UNC5D: variants seen among roughly 807,000 people sequenced by gnomAD.
UNC5D encodes unc-5 netrin receptor D, also known as netrin receptor UNC5D.
In UNC5D, 39 loss-of-function variants were observed where a neutral mutation model predicts 105.4. That is an observed-to-expected ratio of 0.37 (90% CI 0.29 to 0.48). The LOEUF (loss-of-function observed/expected upper bound fraction) is 0.48, where lower values mean the gene tolerates loss of function less well. Among genes scored for constraint, UNC5D ranks in the 20% least tolerant of loss-of-function variants. UNC5D has a pLI of 0.98. For missense variants in UNC5D, 991 were observed against 1,202.4 expected (o/e 0.82, Z 2.60); for synonymous variants, 452 against 450.4 (o/e 1.00, Z -0.04).
intron 4 of UNC5D, among the ~76,000 whole-genome samples, chr8:35,676,672 A>G (rs1226668471): frequency 2.6e-5 from 4 of 152,236 alleles, no homozygotes; most frequent in Non-Finnish European, 2.9e-5. Flanking sequence ...TATAGGTTCA[A>G]AAGTTATGTG....
At chr8:35,253,442 T>C (rs1461807877) in intron 1 of UNC5D, among the ~76,000 whole-genome samples, 1 of 148,940 alleles carries the variant, frequency 6.7e-6, no homozygotes, top group African/African-American at 2.4e-5. Context: ...TTTTTTTCCC[T>C]CTGTAGAGTT....
chr8:35,249,579 A>ATAATAG (rs1803548288), intron 1 of UNC5D, among the ~76,000 whole-genome samples: 1 of 146,608 alleles, frequency 6.8e-6, no homozygotes, highest in Non-Finnish European at 1.5e-5. Flanking sequence ...AATAATAATA[A>ATAATAG]TAATAATAAT....
At chr8:35,329,771 C>T (rs1391890898) in intron 1 of UNC5D, among the ~76,000 whole-genome samples, 1 of 152,154 alleles carries the variant, frequency 6.6e-6, no homozygotes, top group East Asian at 1.9e-4. Flanking sequence ...CTTCCTTGCC[C>T]TTACCTCTAT....
rs200599461 is a variant in UNC5D, at chr8:35,282,710, C to CA, written c.103+46836dup. Among the ~76,000 whole-genome samples the CA allele has an allele frequency of 1.4e-3, 193 of 135,918 alleles. 4 individuals carry two copies. The highest frequency in any genetic ancestry group is 2.7e-3 in the African/African-American group (98 of 36,672). The allele number at this position is 135,918 out of a possible 152,430, so 89.2% of individuals were successfully genotyped here. A position where few individuals can be genotyped will look rare whatever the true frequency, so the allele number is the denominator to read the frequency against. Reference sequence around the variant, plus strand: ...GCTTAACTAACAAGTTATTAAAAGACAAAAAAAAAAAAAGCAACCCAAAGC... The same window carrying CA: ...GCTTAACTAACAAGTTATTAAAAGACAAAAAAAAAAAAAAGCAACCCAAAGC... On this transcript the variant is annotated intron_variant, in intron 1 of 16. Transcript: ENST00000404895.
rs1413153647 is a variant in UNC5D, at chr8:35,796,476, G to T, written c.*5913G>T. The T allele has an allele frequency of 7.4e-6, 1 of 135,592 alleles. No individual in the cohort carries two copies. The highest frequency in any genetic ancestry group is 2.5e-4 in the South Asian group (1 of 4,076). The allele number at this position is 135,592 out of a possible 1,614,324, so 8.4% of individuals were successfully genotyped here. On this transcript the variant is annotated 3_prime_UTR_variant, in exon 17 of 17. Transcript: ENST00000404895. ...AACTGGATGGTTGCAGACTTTTCAA[G>T]ATAAATGTACAGACGTAAATTACTG...
chr8:35,607,069 C>T (rs1194535140), intron 4 of UNC5D, among the ~76,000 whole-genome samples: 1 of 152,178 alleles, frequency 6.6e-6, no homozygotes, highest in Non-Finnish European at 1.5e-5. Context: ...CTGGCTCAGC[C>T]CCTTTCTTCA....
At chr8:35,316,589 T>G (rs929816003) in intron 1 of UNC5D, among the ~76,000 whole-genome samples, 4 of 152,198 alleles carry the variant, frequency 2.6e-5, no homozygotes, top group Middle Eastern at 3.2e-3. Context: ...TACATTGGCC[T>G]AACTATTCAG....
rs535848495 is a variant in UNC5D, at chr8:35,763,981, A to G, written c.2314-2921A>G. ...AATCATTAGAGGTAAAAAAGAGACCATAATGCTATTTCCTGAATAATCCCA... is the reference window on the plus strand; with the variant it reads ...AATCATTAGAGGTAAAAAAGAGACCGTAATGCTATTTCCTGAATAATCCCA... On this transcript the variant is annotated intron_variant, in intron 14 of 16. Transcript: ENST00000404895. Among the ~76,000 whole-genome samples the G allele has an allele frequency of 2.6e-5, 4 of 152,294 alleles. No individual in the cohort carries two copies. In the South Asian group the frequency reaches 8.3e-4, roughly 32 times the overall value.
intron 4 of UNC5D, among the ~76,000 whole-genome samples, chr8:35,601,041 A>G (rs140106113): frequency 0.092 from 13,916 of 152,064 alleles, 662 homozygotes; most frequent in Middle Eastern, 0.11. Context: ...TCCCAGCACC[A>G]TTTATTAAAT....
intron 1 of UNC5D, among the ~76,000 whole-genome samples, chr8:35,360,658 A>G (rs1801806196): frequency 6.6e-6 from 1 of 152,170 alleles, no homozygotes; most frequent in Non-Finnish European, 1.5e-5. Flanking sequence ...TAAGTCAAGT[A>G]TGTGCATCTT....
At chr8:35,693,831 A>ATCTC (rs1310541162) in intron 7 of UNC5D, among the ~76,000 whole-genome samples, 1 of 152,116 alleles carries the variant, frequency 6.6e-6, no homozygotes, top group East Asian at 1.9e-4. Context: ...CAGAAACATA[A>ATCTC]TCTCTGGAAG....
intron 3 of UNC5D, among the ~76,000 whole-genome samples, chr8:35,595,061 A>G (rs992771424): frequency 1.3e-5 from 2 of 152,232 alleles, no homozygotes; most frequent in Admixed American, 6.5e-5. Context: ...ACAAATAAAA[A>G]GACTAATAGG....
At chr8:35,385,359 C>T (rs1419092821) in intron 1 of UNC5D, among the ~76,000 whole-genome samples, 1 of 151,776 alleles carries the variant, frequency 6.6e-6, no homozygotes, top group South Asian at 2.1e-4. Flanking sequence ...TAAGATTCTT[C>T]TGCTATCTGA....
At chr8:35,483,085 G>A (rs533498180) in intron 1 of UNC5D, among the ~76,000 whole-genome samples, 27 of 152,064 alleles carry the variant, frequency 1.8e-4, no homozygotes, top group African/African-American at 6.0e-4. Flanking sequence ...TTACAGGCGT[G>A]AGCCACTGCA....
At chr8:35,590,555 A>G (rs1406683735) in intron 3 of UNC5D, among the ~76,000 whole-genome samples, 1 of 152,122 alleles carries the variant, frequency 6.6e-6, no homozygotes, top group African/African-American at 2.4e-5. Context: ...TGAAAAATGC[A>G]CTGGTTTATA....
chr8:35,295,335 G>A (rs1352906751), intron 1 of UNC5D, among the ~76,000 whole-genome samples: 1 of 151,996 alleles, frequency 6.6e-6, no homozygotes, highest in Non-Finnish European at 1.5e-5. Context: ...TTCTTAAGTT[G>A]TACAATATTT....
intron 1 of UNC5D, among the ~76,000 whole-genome samples, chr8:35,239,215 G>A (rs929396100): frequency 6.6e-6 from 1 of 152,052 alleles, no homozygotes; most frequent in African/African-American, 2.4e-5. Context: ...GTGGGTCTGT[G>A]GTTCTTTAAG....
intron 1 of UNC5D, among the ~76,000 whole-genome samples, chr8:35,400,576 A>G (rs762834544): frequency 1.3e-5 from 2 of 151,884 alleles, no homozygotes; most frequent in East Asian, 1.9e-4. Flanking sequence ...CCCTGCACTC[A>G]CCTCTCCTAG....
intron 1 of UNC5D, among the ~76,000 whole-genome samples, chr8:35,263,559 T>C (rs2128824524): frequency 6.6e-6 from 1 of 152,308 alleles, no homozygotes; most frequent in African/African-American, 2.4e-5. Context: ...TGCACCTGAC[T>C]AAATAATTTT....
Sources: gnomAD v4.1 joint callset for allele counts (sites outside exome capture counted in the v4.1 genomes callset) on GRCh38, gnomAD v4.1.1 for gene constraint, MANE v1.5 for transcripts, NCBI Gene and HGNC (gene_info 2026-07-23, HGNC 2026-07-21) for gene names.